NME7: variants seen among roughly 807,000 people sequenced by gnomAD.
The protein encoded by NME7 is NME/NM23 family member 7.
Under a neutral mutation model 49.1 loss-of-function variants are expected in NME7, and 41 were observed. That is an observed-to-expected ratio of 0.83 (90% CI 0.65 to 1.08). The LOEUF (loss-of-function observed/expected upper bound fraction) is 1.08. Among genes scored for constraint, NME7 ranks in the 50% least tolerant of loss-of-function variants. The pLI is 0.00. For missense variants in NME7, 423 were observed against 463.4 expected (o/e 0.91, Z 0.80); for synonymous variants, 139 against 150.6 (o/e 0.92, Z 0.56).
chr1:169,225,257 C>T (rs1390041278), intron 10 of NME7, among the ~76,000 whole-genome samples: 2 of 152,012 alleles, frequency 1.3e-5, no homozygotes, highest in African/African-American at 4.8e-5. Context: ...TACAGGTGCC[C>T]GCCACCATGC....
At chr1:169,173,746 A>C (rs1020137136) in intron 10 of NME7, among the ~76,000 whole-genome samples, 2 of 152,128 alleles carry the variant, frequency 1.3e-5, no homozygotes, top group African/African-American at 2.4e-5. Flanking sequence ...ACAGATTTAC[A>C]TTCCTCTTGC....
chr1:169,132,878 A>AGAG (rs376305007), intron 11 of NME7, 61 bp from the exon 12 acceptor site: 7 of 1,410,162 alleles, frequency 5.0e-6, no homozygotes, highest in East Asian at 4.6e-5. Context: ...TCCACTTAAC[A>AGAG]GAGTCCAAGA....
intron 10 of NME7, among the ~76,000 whole-genome samples, chr1:169,196,309 T>G (rs1257965590): frequency 6.6e-6 from 1 of 152,190 alleles, no homozygotes; most frequent in East Asian, 1.9e-4. Flanking sequence ...GCAGCACTCA[T>G]TAATGCCATG....
intron 10 of NME7, among the ~76,000 whole-genome samples, chr1:169,207,550 GA>G (rs542164945): frequency 1.6e-4 from 25 of 151,664 alleles, no homozygotes; most frequent in Admixed American, 5.9e-4. Flanking sequence ...GAAGCAGAAG[GA>G]AAAAAAGAGA....
At chr1:169,172,853 A>G (rs1055539424) in intron 10 of NME7, among the ~76,000 whole-genome samples, 3 of 152,196 alleles carry the variant, frequency 2.0e-5, no homozygotes, top group Non-Finnish European at 4.4e-5. Context: ...TACACTTCCA[A>G]TATAGGCCTT....
chr1:169,257,796 G>A lies in NME7; in HGVS notation c.755-20109C>T, dbSNP rs1049100289. Reference sequence around the variant, plus strand: ...AATTCTCCTTCATTTACAAAACTTAGTTTTGTTCTGGATACAAAATTCTTG... The same window carrying A: ...AATTCTCCTTCATTTACAAAACTTAATTTTGTTCTGGATACAAAATTCTTG... On this transcript the variant is annotated intron_variant, in intron 7 of 11. Coordinates refer to ENST00000367811, the MANE Select transcript of NME7 (RefSeq NM_013330.5). Among the ~76,000 whole-genome samples the A allele has an allele frequency of 5.1e-4, 68 of 133,830 alleles. 10 individuals carry two copies. Among genetic ancestry groups the A allele is most frequent in the African/African-American group, 1.7e-3 (67 of 39,634 alleles). 87.8% of individuals were successfully genotyped at this position (133,830 alleles called of 152,430 possible).
At chr1:169,160,040 C>A (rs1659199909) in intron 11 of NME7, among the ~76,000 whole-genome samples, 1 of 152,156 alleles carries the variant, frequency 6.6e-6, no homozygotes, top group South Asian at 2.1e-4. Flanking sequence ...CACTGGCTAC[C>A]TCCTTCCATG....
intron 10 of NME7, among the ~76,000 whole-genome samples, chr1:169,220,053 G>A (rs992117873): frequency 8.6e-5 from 13 of 152,004 alleles, no homozygotes; most frequent in Non-Finnish European, 8.8e-5. Context: ...GTTTGAACAC[G>A]GACTTACATT....
intron 1 of NME7, among the ~76,000 whole-genome samples, chr1:169,336,199 G>C (rs1381163623): frequency 1.3e-5 from 2 of 151,924 alleles, no homozygotes; most frequent in African/African-American, 2.4e-5. Flanking sequence ...TCGTGGTCTC[G>C]CTGGGCTCAG....
At chr1:169,212,494 TC>T (rs111849369) in intron 10 of NME7, among the ~76,000 whole-genome samples, 36,995 of 151,508 alleles carry the variant, frequency 0.24, 5,470 homozygotes, top group Non-Finnish European at 0.34. Context: ...AAAATTTGAG[TC>T]ACTCAAATGA....
intron 7 of NME7, among the ~76,000 whole-genome samples, chr1:169,281,798 C>T (rs528131263): frequency 1.3e-5 from 2 of 152,264 alleles, no homozygotes; most frequent in East Asian, 3.9e-4. Context: ...AGCAATGAAG[C>T]CACTTGATTG....
rs1171739569 is a variant in NME7, at chr1:169,342,597, CAT to C, written c.4-18099_4-18098del. Among the ~76,000 whole-genome samples the C allele has an allele frequency of 7.0e-4, 24 of 34,294 alleles. 2 individuals carry two copies. The highest frequency in any genetic ancestry group is 0.016 in the Middle Eastern group (1 of 64). The allele number at this position is 34,294 out of a possible 152,430, so 22.5% of individuals were successfully genotyped here. A position where few individuals can be genotyped will look rare whatever the true frequency, so the allele number is the denominator to read the frequency against. Reference sequence around the variant, plus strand: ...TATAGTATATATATATATACAAGTACATATATATAGTATATATATATACAAGT... The same window carrying C: ...TATAGTATATATATATATACAAGTACATATATAGTATATATATATACAAGT... On this transcript the variant is annotated intron_variant, in intron 1 of 11. Transcript: ENST00000367811.
chr1:169,280,650 T>A (rs1204118964), intron 7 of NME7, among the ~76,000 whole-genome samples: 2 of 147,640 alleles, frequency 1.4e-5, no homozygotes, highest in Non-Finnish European at 2.9e-5. Flanking sequence ...AAGGAAGGGG[T>A]CCAGTTTCAG....
intron 10 of NME7, among the ~76,000 whole-genome samples, chr1:169,219,596 C>T (rs1416761587): frequency 6.6e-6 from 1 of 152,136 alleles, no homozygotes; most frequent in African/African-American, 2.4e-5. Flanking sequence ...GATAGGATCT[C>T]ACTGTGTTGC....
intron 3 of NME7, among the ~76,000 whole-genome samples, chr1:169,311,727 T>C (rs753578092): frequency 1.3e-5 from 2 of 152,194 alleles, no homozygotes; most frequent in Non-Finnish European, 2.9e-5. Flanking sequence ...ACCATGGCTC[T>C]TAAAGAAAAA....
intron 1 of NME7, among the ~76,000 whole-genome samples, chr1:169,347,704 G>C (rs1460972422): frequency 6.6e-6 from 1 of 152,124 alleles, no homozygotes; most frequent in African/African-American, 2.4e-5. Flanking sequence ...CTATTCTTTA[G>C]TCCATCTAGT....
rs57449323 is a variant in NME7, at chr1:169,275,478, CAAAAAAA to C, written c.754+11818_754+11824del. ...TGGGCGACAGAGCGAAACTCCGTCT[CAAAAAAA>C]AAAAAAAAAAAAAAAAAAAAGAATG... is the stretch of plus-strand genomic sequence containing the variant. On this transcript the variant is annotated intron_variant, in intron 7 of 11. Transcript: ENST00000367811. Among the ~76,000 whole-genome samples, 23 of 29,870 alleles carry C rather than the reference CAAAAAAA, an allele frequency of 7.7e-4. 2 individuals carry two copies. The highest frequency in any genetic ancestry group is 5.1e-3 in the South Asian group (5 of 990). 19.6% of individuals were successfully genotyped at this position (29,870 alleles called of 152,430 possible). A position where few individuals can be genotyped will look rare whatever the true frequency, so the allele number is the denominator to read the frequency against.
In NME7 at chr1:169,257,437, C is replaced by CACACCCACT. The variant is rs1558010981; in HGVS notation, c.755-19751_755-19750insAGTGGGTGT. 1.2e-4 allele frequency among the ~76,000 whole-genome samples: 16 copies of CACACCCACT among 133,792 alleles called. 2 individuals carry two copies. The highest frequency in any genetic ancestry group is 3.7e-4 in the Admixed American group (5 of 13,678). 87.8% of individuals were successfully genotyped at this position (133,792 alleles called of 152,430 possible). On this transcript the variant is annotated intron_variant, in intron 7 of 11. Coordinates refer to ENST00000367811, the MANE Select transcript of NME7 (RefSeq NM_013330.5). ...CCTGCTTCGGCTTGCGAACGGTACG[C>CACACCCACT]GCACCCACTGACCTGCGCCCACTGT...
intron 1 of NME7, among the ~76,000 whole-genome samples, chr1:169,355,045 A>T (rs1653353233): frequency 1.4e-5 from 1 of 72,130 alleles, no homozygotes. Flanking sequence ...TATTATAGAT[A>T]TAATATATAA....
Sources: gnomAD v4.1 joint callset for allele counts (sites outside exome capture counted in the v4.1 genomes callset) on GRCh38, gnomAD v4.1.1 for gene constraint, MANE v1.5 for transcripts, NCBI Gene and HGNC (gene_info 2026-07-23, HGNC 2026-07-21) for gene names.